Variants in GRM8 observed in about 807,000 individuals in gnomAD.
GRM8 encodes glutamate metabotropic receptor 8.
A neutral mutation model predicts 87.2 loss-of-function variants in GRM8; 47 were observed. That is an observed-to-expected ratio of 0.54 (90% confidence interval 0.43 to 0.69). GRM8 has a LOEUF of 0.69. Among genes scored for constraint, GRM8 ranks in the 30% least tolerant of loss-of-function variants. The probability of loss-of-function intolerance (pLI) is 0.00; values close to 1 mark genes in which losing one functional copy is unlikely to be tolerated. For synonymous variants in GRM8, 396 were observed against 404.5 expected, an observed-to-expected ratio of 0.98 and a Z score of 0.25; for missense variants, 1,019 against 1,139.2, an observed-to-expected ratio of 0.89 and a Z score of 1.52.
intron 7 of GRM8, among the ~76,000 whole-genome samples, chr7:126,719,611 G>A (rs1812150285): frequency 1.3e-5 from 2 of 152,062 alleles, no homozygotes; most frequent in Non-Finnish European, 1.5e-5. Flanking sequence ...GAACCACCAC[G>A]ACACCTTACA....
chr7:126,558,635 A>G (rs949150846), intron 8 of GRM8, among the ~76,000 whole-genome samples: 2 of 152,214 alleles, frequency 1.3e-5, no homozygotes, highest in Non-Finnish European at 2.9e-5. Flanking sequence ...TTCTACGAAG[A>G]TAGTTTTTAT....
At chr7:126,456,923 G>A (rs567508452) in intron 9 of GRM8, among the ~76,000 whole-genome samples, 1 of 151,438 alleles carries the variant, frequency 6.6e-6, no homozygotes, top group South Asian at 2.1e-4. Context: ...CAAAAACCGT[G>A]GGCAAACAAC....
chr7:126,713,244 C>T (rs1472015414), intron 7 of GRM8, among the ~76,000 whole-genome samples: 1 of 152,176 alleles, frequency 6.6e-6, no homozygotes, highest in Non-Finnish European at 1.5e-5. Flanking sequence ...GGCACGTACA[C>T]ACCATGGAAT....
chr7:127,106,052 G>C (rs1346498361), intron 3 of GRM8, among the ~76,000 whole-genome samples: 1 of 152,172 alleles, frequency 6.6e-6, no homozygotes, highest in African/African-American at 2.4e-5. Flanking sequence ...GTATAGCCTT[G>C]AGGGCTACTT....
chr7:127,105,081 C>T (rs1296985243), intron 3 of GRM8, among the ~76,000 whole-genome samples: 1 of 152,178 alleles, frequency 6.6e-6, no homozygotes, highest in African/African-American at 2.4e-5. Context: ...TAAGAACTGA[C>T]ATCAGCTGCT....
At chr7:127,007,170 C>G (rs1349731275) in intron 3 of GRM8, among the ~76,000 whole-genome samples, 2 of 151,944 alleles carry the variant, frequency 1.3e-5, no homozygotes, top group Non-Finnish European at 2.9e-5. Flanking sequence ...CCCAGATAAT[C>G]TCAGAAATAT....
At chr7:126,729,197 G>A (rs1813333027) in intron 7 of GRM8, among the ~76,000 whole-genome samples, 1 of 152,158 alleles carries the variant, frequency 6.6e-6, no homozygotes, top group Non-Finnish European at 1.5e-5. Context: ...TAGCCCACAT[G>A]ATTGCTGCCC....
chr7:126,941,631 AAAG>A (rs1806957533), intron 3 of GRM8, among the ~76,000 whole-genome samples: 1 of 151,788 alleles, frequency 6.6e-6, no homozygotes, highest in South Asian at 2.1e-4. Context: ...AAAAAAAAAA[AAAG>A]AAAGAAAGAA....
At chr7:126,983,645 T>A (rs1477793572) in intron 3 of GRM8, among the ~76,000 whole-genome samples, 1 of 152,116 alleles carries the variant, frequency 6.6e-6, no homozygotes, top group Admixed American at 6.5e-5. Context: ...AGTCTACTAC[T>A]CCACAACGGA....
intron 2 of GRM8, among the ~76,000 whole-genome samples, chr7:127,231,875 T>TG (rs1797705482): frequency 6.6e-6 from 1 of 151,470 alleles, no homozygotes; most frequent in Non-Finnish European, 1.5e-5. Context: ...TCTTTTTCTT[T>TG]TTTTTTTAAA....
intron 6 of GRM8, among the ~76,000 whole-genome samples, chr7:126,846,155 A>C (rs536957205): frequency 9.8e-5 from 15 of 152,312 alleles, no homozygotes; most frequent in African/African-American, 3.6e-4. Context: ...TGGAGCCAGG[A>C]AATGCAGCAA....
chr7:127,161,491 C>A (rs533857465), intron 2 of GRM8, among the ~76,000 whole-genome samples: 23 of 152,284 alleles, frequency 1.5e-4, no homozygotes, highest in Admixed American at 5.2e-4. Context: ...TCAGTCAGCT[C>A]TAGCTAGGGA....
At chr7:126,700,423 A>C (rs1809803826) in intron 7 of GRM8, among the ~76,000 whole-genome samples, 1 of 152,186 alleles carries the variant, frequency 6.6e-6, no homozygotes, top group South Asian at 2.1e-4. Context: ...TGAAAAGGGC[A>C]AGTAATCTTT....
intron 8 of GRM8, among the ~76,000 whole-genome samples, chr7:126,535,520 GAGC>G (rs1324094793): frequency 2.6e-5 from 4 of 152,190 alleles, no homozygotes; most frequent in African/African-American, 9.7e-5. Flanking sequence ...AGCAGGCAGA[GAGC>G]AGCAGCTCAG....
chr7:126,624,743 T>C (rs774939165), intron 7 of GRM8, among the ~76,000 whole-genome samples: 3 of 152,154 alleles, frequency 2.0e-5, no homozygotes, highest in Non-Finnish European at 4.4e-5. Flanking sequence ...AGACAATCAA[T>C]TGTGAGCACA....
chr7:126,905,274 A>G (rs1375590294), intron 3 of GRM8, among the ~76,000 whole-genome samples: 3 of 152,234 alleles, frequency 2.0e-5, no homozygotes, highest in Admixed American at 2.0e-4. Context: ...CATCGCCACT[A>G]TGAAAATCGA....
rs117463771 is a variant in GRM8 at position 126,684,161 on chromosome 7, C to T, written c.1358-74663G>A. Among the ~76,000 whole-genome samples, 720 of 152,210 alleles carry T rather than the reference C, an allele frequency of 4.7e-3. 10 individuals carry two copies. Among genetic ancestry groups the T allele is most frequent in the South Asian group, 0.041 (200 of 4,824 alleles). ...AAGAAAAAAAATCATACTTAGGGCA[C>T]GATCACTGTATATGGAGTGGGCGGT... On this transcript the variant is annotated intron_variant, in intron 7 of 10. Transcript: ENST00000339582.
At chr7:126,756,015 A>G (rs913434587) in intron 7 of GRM8, among the ~76,000 whole-genome samples, 1 of 151,966 alleles carries the variant, frequency 6.6e-6, no homozygotes, top group Admixed American at 6.6e-5. Flanking sequence ...ATGTTCCTTC[A>G]GTCCCAACAA....
At chr7:126,815,582 G>C (rs941628707) in intron 6 of GRM8, among the ~76,000 whole-genome samples, 2 of 152,070 alleles carry the variant, frequency 1.3e-5, no homozygotes, top group African/African-American at 4.8e-5. Context: ...ACTTCTTGCT[G>C]TACATGAATT....
Sources: gnomAD v4.1 joint callset for allele counts (sites outside exome capture counted in the v4.1 genomes callset) on GRCh38, gnomAD v4.1.1 for gene constraint, MANE v1.5 for transcripts, NCBI Gene and HGNC (gene_info 2026-07-23, HGNC 2026-07-21) for gene names.